Variants in POLR1C observed in about 807,000 individuals in gnomAD.
POLR1C encodes DNA-directed RNA polymerases I and III subunit RPAC1.
In POLR1C, 42 loss-of-function variants were observed where a neutral mutation model predicts 38.3. The observed-to-expected ratio is 1.10, with a 90% CI of 0.86 to 1.42. The LOEUF is 1.42. Among genes scored for constraint, POLR1C ranks in the 40% most tolerant of loss-of-function variants. The probability of loss-of-function intolerance (pLI) is 0.00; values close to 1 mark genes in which losing one functional copy is unlikely to be tolerated. For missense variants in POLR1C, 507 were observed against 450.5 expected, an observed-to-expected ratio of 1.13 and a Z score of -1.14; for synonymous variants, 163 against 163.9, an observed-to-expected ratio of 0.99 and a Z score of 0.04.
chr6:43,548,276 G>A, intron 9 of POLR1C: 1 of 1,610,268 alleles, frequency 6.2e-7, no homozygotes, highest in Non-Finnish European at 8.5e-7. Flanking sequence ...CATGTCTTGA[G>A]AAAGCCAGAT....
chr6:43,558,595 G>C, intron 10 of POLR1C: 1 of 1,575,272 alleles, frequency 6.3e-7, no homozygotes, highest in African/African-American at 1.4e-5. Context: ...AGCCCATCTG[G>C]AAAAAGAAAG....
intron 9 of POLR1C, chr6:43,549,551 C>T (rs1434966030): frequency 3.1e-6 from 5 of 1,613,426 alleles, no homozygotes; most frequent in Non-Finnish European, 4.2e-6. Context: ...TGCCTCCTCA[C>T]ATTCCTCACT....
At chr6:43,528,834 G>C in intron 8 of POLR1C, 1 of 1,613,624 alleles carries the variant, frequency 6.2e-7, no homozygotes, top group Non-Finnish European at 8.5e-7. Flanking sequence ...TTACCATATG[G>C]AGGTAGGTGA....
intron 9 of POLR1C, chr6:43,548,585 T>C: frequency 1.2e-6 from 1 of 816,330 alleles, no homozygotes; most frequent in Non-Finnish European, 1.8e-6. Context: ...ATAAGGTTAT[T>C]ATTTGGTAAT....
downstream of POLR1C, chr6:43,522,536 C>T (rs960731931): frequency 7.7e-6 from 2 of 259,960 alleles, no homozygotes; most frequent in African/African-American, 4.5e-5. Flanking sequence ...GAGGGAAACA[C>T]TCTTGAGATC....
chr6:43,554,427 T>C (rs528919884), intron 10 of POLR1C, among the ~76,000 whole-genome samples: 22 of 150,652 alleles, frequency 1.5e-4, no homozygotes, highest in African/African-American at 3.7e-4. Context: ...CTTTTCTTTT[T>C]TTTTTTTTTC....
intron 7 of POLR1C, 69 bp from the exon 8 acceptor site, chr6:43,520,863 T>C (rs1793134204): frequency 1.9e-6 from 3 of 1,599,460 alleles, no homozygotes; most frequent in Admixed American, 3.3e-5. Context: ...CTCCTAAAAG[T>C]ATAACCTGGT....
chr6:43,550,488 A>G (rs1795175860), intron 9 of POLR1C, among the ~76,000 whole-genome samples: 1 of 151,810 alleles, frequency 6.6e-6, no homozygotes, highest in South Asian at 2.1e-4. Flanking sequence ...GGGGCTTCTC[A>G]TTTTTTTCTC....
downstream of POLR1C, chr6:43,525,460 C>A: frequency 1.9e-6 from 1 of 518,386 alleles, no homozygotes; most frequent in Non-Finnish European, 3.4e-6. Flanking sequence ...TTTTAAATAG[C>A]TAAGCAGGAA....
downstream of POLR1C, among the ~76,000 whole-genome samples, chr6:43,532,720 G>C (rs1235717408): frequency 6.6e-6 from 1 of 152,158 alleles, no homozygotes; most frequent in Non-Finnish European, 1.5e-5. Flanking sequence ...TCTGAGACTG[G>C]GTTAGGTCTC....
At chr6:43,530,591 C>A, downstream of POLR1C, 1 of 1,398,356 alleles carries the variant, frequency 7.2e-7, no homozygotes, top group South Asian at 1.4e-5. Flanking sequence ...TCTCTTCCTT[C>A]CAGTTCTGCC....
At position 43,546,152 on chromosome 6, in the gene POLR1C, C is replaced by T. The variant is rs543318339; in HGVS notation, c.*5-4816C>T. 8.9e-4 allele frequency among the ~76,000 whole-genome samples: 136 copies of T among 151,972 alleles called. 2 individuals are homozygous for T. The highest frequency in any genetic ancestry group is 1.3e-3 in the Admixed American group (20 of 15,266). On this transcript the variant is annotated intron_variant, in intron 9 of 10. Coordinates refer to the POLR1C transcript ENST00000607635. ...GTTGTTTGGTTCATCTGAGCTCAGA[C>T]TCAGTATTGATAAATTCAGATTAGC...
chr6:43,524,705 A>T (rs1441216919), downstream of POLR1C: 1 of 1,589,886 alleles, frequency 6.3e-7, no homozygotes, highest in Admixed American at 1.7e-5. Flanking sequence ...TTCCTGCCAC[A>T]CCCATTTCTC....
In POLR1C at chr6:43,538,139, C is replaced by CTTTTTTTT. The variant is rs1160662301; in HGVS notation, c.*4+8801_*4+8808dup. ...TATAAATTTAGAGCCTAAGAGACAT[C>CTTTTTTTT]TTTTTTTTTTTTTTTTTTTTTTTTT... On this transcript the variant is annotated intron_variant, in intron 9 of 10. Coordinates refer to the POLR1C transcript ENST00000607635. 3.1e-3 allele frequency among the ~76,000 whole-genome samples: 151 copies of CTTTTTTTT among 48,942 alleles called. 12 individuals carry two copies. Among genetic ancestry groups the CTTTTTTTT allele is most frequent in the African/African-American group, 0.012 (146 of 12,114 alleles). The allele number at this position is 48,942 out of a possible 152,430, so 32.1% of individuals were successfully genotyped here.
downstream of POLR1C, chr6:43,521,539 T>C (rs891940048): frequency 1.7e-6 from 2 of 1,153,580 alleles, no homozygotes; most frequent in Non-Finnish European, 2.2e-6. Flanking sequence ...TTTGAGTTTG[T>C]TTTTTGAGAC....
At chr6:43,562,130 G>A (rs1356767270) in exon 11 of POLR1C, 2 of 669,768 alleles carry the variant, frequency 3.0e-6, no homozygotes, top group Admixed American at 2.9e-5. Context: ...TAACTTGTAT[G>A]GCACTGCCCC....
intron 9 of POLR1C, among the ~76,000 whole-genome samples, chr6:43,535,263 A>AAAC (rs200414208): frequency 1.2e-4 from 18 of 151,380 alleles, no homozygotes; most frequent in Non-Finnish European, 2.4e-4. Context: ...CTGTCTCAAA[A>AAAC]AACAACAACA....
At chr6:43,533,885 G>GA (rs1794156131), downstream of POLR1C, 3 of 1,553,574 alleles carry the variant, frequency 1.9e-6, no homozygotes, top group Non-Finnish European at 2.6e-6. Context: ...AACCTTAGGA[G>GA]AAAAAAGGTT....
At chr6:43,519,207 A>T in intron 2 of POLR1C, 126 bp from the exon 3 acceptor site, 1 of 710,634 alleles carries the variant, frequency 1.4e-6, no homozygotes, top group South Asian at 1.5e-5. Context: ...TTAATAAGAG[A>T]CATTTGGGCA....
Sources: allele counts gnomAD v4.1 joint callset (sites outside exome capture counted in the v4.1 genomes callset), GRCh38; gene constraint gnomAD v4.1.1; transcripts MANE v1.5; gene names NCBI Gene and HGNC (gene_info 2026-07-23, HGNC 2026-07-21).